The following XYLT1 variants were observed in gnomAD, a reference collection of about 807,000 sequenced individuals.
XYLT1 encodes the protein beta-D-xylosyltransferase 1.
Under a neutral mutation model 91.3 loss-of-function variants are expected in XYLT1, and 36 were observed. The observed-to-expected ratio is 0.39, with a 90% CI of 0.30 to 0.52. The LOEUF (loss-of-function observed/expected upper bound fraction) is 0.52, where lower values mean the gene tolerates loss of function less well. Among genes scored for constraint, XYLT1 ranks in the 20% least tolerant of loss-of-function variants. XYLT1 has a pLI of 0.68. For missense variants in XYLT1, 1,242 were observed against 1,284.5 expected, an observed-to-expected ratio of 0.97 and a Z score of 0.51; for synonymous variants, 588 against 532.0, an observed-to-expected ratio of 1.11 and a Z score of -1.45.
At chr16:17,171,152 T>C (rs1467181328) in intron 5 of XYLT1, among the ~76,000 whole-genome samples, 3 of 152,334 alleles carry the variant, frequency 2.0e-5, no homozygotes, top group African/African-American at 7.2e-5. Flanking sequence ...CACAGAATGC[T>C]AGAATGTCAG....
intron 1 of XYLT1, among the ~76,000 whole-genome samples, chr16:17,378,483 A>G (rs1331009955): frequency 6.6e-6 from 1 of 152,244 alleles, no homozygotes; most frequent in Non-Finnish European, 1.5e-5. Context: ...ATCTTTTAAT[A>G]TATGACTGCA....
chr16:17,416,632 G>A lies in XYLT1; in HGVS notation c.363+53802C>T, dbSNP rs549406730. Among the ~76,000 whole-genome samples, 139 of 152,030 alleles carry A rather than the reference G, an allele frequency of 9.1e-4. 1 individual carries two copies. The highest frequency in any genetic ancestry group is 1.4e-3 in the Non-Finnish European group (98 of 67,970). ...CCCTGGAGGAGCTGCGGCTCCTGCT[G>A]GCATGTCAATGTCAACAGCCTTTAC... On this transcript the variant is annotated intron_variant, in intron 1 of 11. Transcript: ENST00000261381.
intron 1 of XYLT1, chr16:17,446,141 A>G (rs962723371): frequency 2.6e-5 from 4 of 152,210 alleles, no homozygotes; most frequent in Non-Finnish European, 4.4e-5. Flanking sequence ...AATATAGGTG[A>G]CATCCTATAA....
rs1163614585 is a variant in XYLT1, at chr16:17,107,075, CCTA to C, written c.*1617_*1619del. 6.6e-6 allele frequency: 1 copy of C among 152,094 alleles called. No homozygotes were observed. Among genetic ancestry groups the C allele is most frequent in the Non-Finnish European group, 1.5e-5 (1 of 68,008 alleles). 9.4% of individuals were successfully genotyped at this position (152,094 alleles called of 1,614,324 possible). A position where few individuals can be genotyped will look rare whatever the true frequency, so the allele number is the denominator to read the frequency against. ...TAATTGACAAGCTGCAAAAACAGCA[CCTA>C]CTAATTAGTCATCGACTAAAACATG... On this transcript the variant is annotated 3_prime_UTR_variant, in exon 12 of 12. Coordinates refer to ENST00000261381, the MANE Select transcript of XYLT1 (RefSeq NM_022166.4).
chr16:17,377,936 C>A (rs2035623813), intron 1 of XYLT1, among the ~76,000 whole-genome samples: 1 of 152,204 alleles, frequency 6.6e-6, no homozygotes, highest in Non-Finnish European at 1.5e-5. Flanking sequence ...CAGCTGTGCT[C>A]ATTGTACAAA....
chr16:17,117,508 A>G (rs1158840236), intron 11 of XYLT1, 138 bp downstream of exon 11: 8 of 872,800 alleles, frequency 9.2e-6, no homozygotes, highest in Non-Finnish European at 1.4e-5. Flanking sequence ...CACAGAGAAA[A>G]GTATTGAGAG....
intron 1 of XYLT1, among the ~76,000 whole-genome samples, chr16:17,430,135 C>T (rs1333509183): frequency 1.3e-5 from 2 of 151,844 alleles, no homozygotes; most frequent in African/African-American, 4.8e-5. Context: ...CTGGGTTTCA[C>T]CATGTTGGCC....
At chr16:17,427,660 A>C (rs931748429) in intron 1 of XYLT1, among the ~76,000 whole-genome samples, 28 of 152,340 alleles carry the variant, frequency 1.8e-4, no homozygotes, top group Middle Eastern at 3.4e-3. Context: ...AGATGCTTCT[A>C]CAACAGCTGA....
At chr16:17,158,212 C>T (rs1018094205) in intron 6 of XYLT1, among the ~76,000 whole-genome samples, 9 of 152,080 alleles carry the variant, frequency 5.9e-5, no homozygotes, top group African/African-American at 1.4e-4. Context: ...TCATTTTAAG[C>T]GAGAGAGGTG....
chr16:17,430,882 A>G (rs1039324753), intron 1 of XYLT1, among the ~76,000 whole-genome samples: 9 of 152,224 alleles, frequency 5.9e-5, no homozygotes, highest in South Asian at 2.1e-4. Context: ...TCTAAAGTAA[A>G]CTGGGGCTGA....
chr16:17,299,252 C>A (rs2034358949), intron 2 of XYLT1, among the ~76,000 whole-genome samples: 4 of 152,122 alleles, frequency 2.6e-5, no homozygotes, highest in Admixed American at 2.6e-4. Context: ...GCATCCAGCT[C>A]CATGCCTTTA....
At chr16:17,187,707 G>A (rs774151299) in intron 5 of XYLT1, among the ~76,000 whole-genome samples, 8 of 151,104 alleles carry the variant, frequency 5.3e-5, no homozygotes, top group African/African-American at 1.7e-4. Context: ...GTACAATGGC[G>A]TGATCTCAGT....
At chr16:17,410,077 C>G (rs1353822472) in intron 1 of XYLT1, among the ~76,000 whole-genome samples, 1 of 152,210 alleles carries the variant, frequency 6.6e-6, no homozygotes, top group Middle Eastern at 3.2e-3. Context: ...TGAGTTCACA[C>G]TGCCACCACC....
intron 5 of XYLT1, among the ~76,000 whole-genome samples, chr16:17,180,167 G>A (rs898806229): frequency 6.6e-6 from 1 of 152,220 alleles, no homozygotes; most frequent in Non-Finnish European, 1.5e-5. Context: ...CGGTCGCTCA[G>A]TTCATGACAA....
intron 3 of XYLT1, among the ~76,000 whole-genome samples, chr16:17,207,160 C>T (rs1347777500): frequency 6.7e-6 from 1 of 149,278 alleles, no homozygotes; most frequent in African/African-American, 2.5e-5. Context: ...CAGGTTCAAG[C>T]AATTCTTCTG....
chr16:17,210,861 A>G (rs533450516), intron 3 of XYLT1, among the ~76,000 whole-genome samples: 1 of 152,308 alleles, frequency 6.6e-6, no homozygotes, highest in Admixed American at 6.5e-5. Context: ...GTCAATGCAA[A>G]CAAATCTTCA....
intron 10 of XYLT1, among the ~76,000 whole-genome samples, chr16:17,123,336 C>T (rs1432485907): frequency 6.6e-6 from 1 of 152,070 alleles, no homozygotes; most frequent in Non-Finnish European, 1.5e-5. Flanking sequence ...TAAGGTGTGA[C>T]CTTAGATTGT....
intron 1 of XYLT1, among the ~76,000 whole-genome samples, chr16:17,393,478 A>G (rs76891223): frequency 0.018 from 2,665 of 152,200 alleles, 35 homozygotes; most frequent in Middle Eastern, 0.024. Flanking sequence ...CACAGTCTCT[A>G]GTATCTATCT....
chr16:17,109,104 G>T, intron 11 of XYLT1, 87 bp from the exon 12 acceptor site: 1 of 1,316,046 alleles, frequency 7.6e-7, no homozygotes, highest in South Asian at 1.9e-5. Context: ...GTGCTGCACT[G>T]GGTGCCATGC....
Sources: allele counts gnomAD v4.1 joint callset (sites outside exome capture counted in the v4.1 genomes callset), GRCh38; gene constraint gnomAD v4.1.1; transcripts MANE v1.5; gene names NCBI Gene and HGNC (gene_info 2026-07-23, HGNC 2026-07-21).